ZNF385D: variants seen among roughly 807,000 people sequenced by gnomAD.
ZNF385D encodes zinc finger protein 385D.
In ZNF385D, 15 loss-of-function variants were observed where a neutral mutation model predicts 35.8. That is an observed-to-expected ratio of 0.42 (90% CI 0.28 to 0.64). ZNF385D has a LOEUF of 0.64. ZNF385D is among the 30% of genes least tolerant of loss of function. ZNF385D has a pLI of 0.23. For missense variants in ZNF385D, 474 were observed against 494.6 expected (o/e 0.96, Z 0.39); for synonymous variants, 212 against 186.8 (o/e 1.13, Z -1.10).
chr3:22,242,728 T>G (rs1185476413), intron 2 of ZNF385D, among the ~76,000 whole-genome samples: 6 of 151,128 alleles, frequency 4.0e-5, no homozygotes, highest in African/African-American at 1.5e-4. Flanking sequence ...ATCACTAAAA[T>G]ATGAATAAAG....
chr3:21,850,072 G>T (rs1187384267), intron 3 of ZNF385D, among the ~76,000 whole-genome samples: 1 of 151,964 alleles, frequency 6.6e-6, no homozygotes, highest in Non-Finnish European at 1.5e-5. Flanking sequence ...TTAAATAGTT[G>T]CAAATTATGG....
chr3:22,061,472 A>G (rs1341113160), intron 3 of ZNF385D, among the ~76,000 whole-genome samples: 1 of 152,116 alleles, frequency 6.6e-6, no homozygotes, highest in African/African-American at 2.4e-5. Flanking sequence ...TTCTCTCAAG[A>G]GCAGCTAGAA....
intron 3 of ZNF385D, among the ~76,000 whole-genome samples, chr3:21,563,588 C>T (rs572951541): frequency 6.6e-6 from 1 of 152,298 alleles, no homozygotes; most frequent in African/African-American, 2.4e-5. Flanking sequence ...ATCTTCGTCA[C>T]CAGAGCATCT....
chr3:21,625,400 G>C (rs2065108443), intron 2 of ZNF385D, among the ~76,000 whole-genome samples: 1 of 152,058 alleles, frequency 6.6e-6, no homozygotes, highest in Admixed American at 6.6e-5. Flanking sequence ...CGGTGCTAAA[G>C]ATTTTTGGCC....
intron 2 of ZNF385D, among the ~76,000 whole-genome samples, chr3:22,366,704 G>A (rs1450129971): frequency 6.6e-6 from 1 of 152,108 alleles, no homozygotes; most frequent in Non-Finnish European, 1.5e-5. Context: ...GTAATCCTTA[G>A]AACCTGTAAA....
At chr3:22,341,437 C>T (rs1396571295) in intron 2 of ZNF385D, among the ~76,000 whole-genome samples, 7 of 152,068 alleles carry the variant, frequency 4.6e-5, no homozygotes, top group Non-Finnish European at 1.0e-4. Context: ...GCTTTCTGGA[C>T]CTTTATTTTA....
intron 3 of ZNF385D, among the ~76,000 whole-genome samples, chr3:21,898,267 CAT>C (rs1240930979): frequency 2.6e-5 from 4 of 152,150 alleles, no homozygotes; most frequent in African/African-American, 9.7e-5. Flanking sequence ...CACCTGGGCA[CAT>C]ATTCGCTAAT....
chr3:22,119,390 C>T (rs986974213), intron 3 of ZNF385D, among the ~76,000 whole-genome samples: 1 of 152,122 alleles, frequency 6.6e-6, no homozygotes, highest in Non-Finnish European at 1.5e-5. Context: ...GACTAATTTA[C>T]TACTATTTTA....
intron 1 of ZNF385D, among the ~76,000 whole-genome samples, chr3:21,741,185 T>C (rs1453954901): frequency 6.6e-6 from 1 of 152,154 alleles, no homozygotes; most frequent in African/African-American, 2.4e-5. Flanking sequence ...AAGAGGTCCA[T>C]AAAGCTCATG....
At chr3:21,969,917 G>C (rs1703142318) in intron 3 of ZNF385D, among the ~76,000 whole-genome samples, 2 of 152,102 alleles carry the variant, frequency 1.3e-5, no homozygotes, top group African/African-American at 2.4e-5. Context: ...TCTCTGCCTG[G>C]TATTCCAGAG....
intron 1 of ZNF385D, among the ~76,000 whole-genome samples, chr3:21,697,015 T>C (rs1361761308): frequency 6.6e-6 from 1 of 152,204 alleles, no homozygotes; most frequent in Non-Finnish European, 1.5e-5. Flanking sequence ...ATCAGTGTGT[T>C]TGCATATTGT....
At chr3:21,479,640 G>T (rs972754871) in intron 4 of ZNF385D, among the ~76,000 whole-genome samples, 2 of 152,116 alleles carry the variant, frequency 1.3e-5, no homozygotes, top group African/African-American at 4.8e-5. Flanking sequence ...GCTGCTGATG[G>T]CTACCTAGAG....
At chr3:21,859,353 C>A (rs1323225324) in intron 3 of ZNF385D, among the ~76,000 whole-genome samples, 1 of 151,174 alleles carries the variant, frequency 6.6e-6, no homozygotes, top group Non-Finnish European at 1.5e-5. Context: ...TGGGGTTATG[C>A]ATGTGTGGCT....
chr3:22,021,413 T>C (rs194594), intron 3 of ZNF385D, among the ~76,000 whole-genome samples: 64,256 of 151,760 alleles, frequency 0.42, 14,701 homozygotes, highest in East Asian at 0.82. Context: ...AAACAAAGAA[T>C]AGTGACCCTA....
At chr3:22,184,486 G>T (rs914772943) in intron 2 of ZNF385D, among the ~76,000 whole-genome samples, 1 of 152,134 alleles carries the variant, frequency 6.6e-6, no homozygotes, top group Non-Finnish European at 1.5e-5. Flanking sequence ...GATGCTCTCA[G>T]AATTCAACTA....
At chr3:21,507,440 C>G (rs1706859004) in intron 4 of ZNF385D, among the ~76,000 whole-genome samples, 1 of 152,064 alleles carries the variant, frequency 6.6e-6, no homozygotes, top group African/African-American at 2.4e-5. Context: ...TCATGTGTCT[C>G]TATCTTTTAT....
In ZNF385D at chr3:21,804,752, G is replaced by A. The variant is rs573744821; in HGVS notation, c.326-139724C>T. ...TTATTTACTTAATTTTACAGATGAA[G>A]ACACTAAATGTCAGAGAGGTTAAGT... is the stretch of plus-strand genomic sequence containing the variant. On this transcript the variant is annotated intron_variant, in intron 3 of 5. Coordinates refer to the ZNF385D transcript ENST00000494108. Among the ~76,000 whole-genome samples, 4 of 142,462 alleles carry A rather than the reference G, an allele frequency of 2.8e-5. No individual in the cohort carries two copies. The East Asian group carries it at 8.4e-4, about 30-fold the overall frequency. The allele number at this position is 142,462 out of a possible 152,430, so 93.5% of individuals were successfully genotyped here.
intron 3 of ZNF385D, among the ~76,000 whole-genome samples, chr3:21,925,957 A>C (rs1325701794): frequency 1.3e-5 from 2 of 152,298 alleles, no homozygotes; most frequent in Non-Finnish European, 2.9e-5. Context: ...AGAATGGCTA[A>C]GTAAAAAAAT....
chr3:21,963,264 G>C (rs773934304), intron 3 of ZNF385D, among the ~76,000 whole-genome samples: 1 of 151,974 alleles, frequency 6.6e-6, no homozygotes, highest in Non-Finnish European at 1.5e-5. Flanking sequence ...TTTCATTCTT[G>C]TGGTAGCATT....
Sources: gnomAD v4.1 joint callset for allele counts (sites outside exome capture counted in the v4.1 genomes callset) on GRCh38, gnomAD v4.1.1 for gene constraint, MANE v1.5 for transcripts, NCBI Gene and HGNC (gene_info 2026-07-23, HGNC 2026-07-21) for gene names.